LAMA4: variants seen among roughly 807,000 people sequenced by gnomAD.
LAMA4 encodes laminin subunit alpha 4.
LAMA4 carries 127 observed loss-of-function variants against 207.1 expected under a neutral mutation model. That is an observed-to-expected ratio of 0.61 (90% CI 0.53 to 0.71). The LOEUF is 0.71. LAMA4 is among the 30% of genes least tolerant of loss of function. The pLI is 0.00. For synonymous variants in LAMA4, 761 were observed against 816.0 expected (o/e 0.93, Z 1.15); for missense variants, 2,093 against 2,246.5 (o/e 0.93, Z 1.38).
chr6:112,183,950 C>CAAAAAAAA (rs782424211), intron 9 of LAMA4, among the ~76,000 whole-genome samples: 29 of 81,482 alleles, frequency 3.6e-4, no homozygotes, highest in East Asian at 6.7e-4. Context: ...GACTCCATCT[C>CAAAAAAAA]AAAAAAAAAA....
rs1786688553 is a variant in LAMA4, at chr6:112,243,597, GT to G, written c.195+10358del. On this transcript the variant is annotated intron_variant, in intron 2 of 38. Coordinates refer to ENST00000230538, the MANE Select transcript of LAMA4 (RefSeq NM_001105206.3). ...TAGTGATGGAGCCAAGAATCAGAAA[GT>G]TACAGACTCATAGTCTAGCTCTACT... is the stretch of plus-strand genomic sequence containing the variant. 2.6e-5 allele frequency among the ~76,000 whole-genome samples: 4 copies of G among 152,188 alleles called. No homozygotes were observed. In the South Asian group the frequency reaches 8.3e-4, roughly 32 times the overall value.
rs935817374 is a variant in LAMA4 at position 112,137,352 on chromosome 6, T to A, written c.3283-1098A>T. On this transcript the variant is annotated intron_variant, in intron 24 of 38. Transcript: ENST00000230538. ...AGGAAGAAAATATTTCAACTTCTAT[T>A]TATACTAATTTAAAAAAACCTGAAA... is the stretch of plus-strand genomic sequence containing the variant. 2.0e-5 allele frequency among the ~76,000 whole-genome samples: 3 copies of A among 152,152 alleles called. No homozygotes were observed. The East Asian group carries it at 5.8e-4, about 29-fold the overall frequency.
chr6:112,222,801 A>G (rs1167423228), intron 2 of LAMA4, among the ~76,000 whole-genome samples: 1 of 152,226 alleles, frequency 6.6e-6, no homozygotes, highest in Non-Finnish European at 1.5e-5. Context: ...GCTAATAAAT[A>G]GCCCTCTTTA....
intron 9 of LAMA4, among the ~76,000 whole-genome samples, chr6:112,183,983 A>G (rs1782530831): frequency 6.6e-6 from 1 of 151,360 alleles, no homozygotes; most frequent in Non-Finnish European, 1.5e-5. Context: ...AAAAGAATTA[A>G]GATAGTTTTA....
chr6:112,227,423 TGAAA>T lies in LAMA4; in HGVS notation c.196-10958_196-10955del, dbSNP rs1414106394. Among the ~76,000 whole-genome samples, 7 of 150,214 alleles carry T rather than the reference TGAAA, an allele frequency of 4.7e-5. No individual in the cohort carries two copies. In the East Asian group the frequency reaches 1.4e-3, roughly 29 times the overall value. ...GGACATACACGTTCTCATGAAAGAA[TGAAA>T]GAAAGAGGAAAAGGAGCAAATGAGG... On this transcript the variant is annotated intron_variant, in intron 2 of 38. Coordinates refer to ENST00000230538, the MANE Select transcript of LAMA4 (RefSeq NM_001105206.3).
intron 9 of LAMA4, among the ~76,000 whole-genome samples, chr6:112,182,671 G>A (rs571519070): frequency 3.9e-5 from 6 of 152,258 alleles, no homozygotes; most frequent in South Asian, 4.1e-4. Context: ...CTCCTGAGCC[G>A]CCCTTGGAGA....
At chr6:112,238,666 C>A (rs1198544265) in intron 2 of LAMA4, among the ~76,000 whole-genome samples, 1 of 152,096 alleles carries the variant, frequency 6.6e-6, no homozygotes, top group Non-Finnish European at 1.5e-5. Context: ...GAGATCACAC[C>A]ACTGCACTCC....
chr6:112,218,960 G>A (rs1554359652), intron 2 of LAMA4: 1 of 152,272 alleles, frequency 6.6e-6, no homozygotes, highest in African/African-American at 2.4e-5. Context: ...CATGTCCTGG[G>A]TAGCTTGCGT....
At chr6:112,113,436 T>C (rs1318857314) in intron 38 of LAMA4, among the ~76,000 whole-genome samples, 1 of 152,216 alleles carries the variant, frequency 6.6e-6, no homozygotes, top group African/African-American at 2.4e-5. Context: ...ATGCATTCAA[T>C]ATGAGGACAT....
intron 2 of LAMA4, among the ~76,000 whole-genome samples, chr6:112,227,528 G>A (rs1785290583): frequency 1.3e-5 from 2 of 152,112 alleles, no homozygotes; most frequent in South Asian, 2.1e-4. Context: ...GTCTATACCC[G>A]GTGAGATCTC....
chr6:112,131,172 A>C, intron 28 of LAMA4, 71 bp from the exon 29 acceptor site: 3 of 1,416,298 alleles, frequency 2.1e-6, no homozygotes, highest in African/African-American at 1.4e-5. Flanking sequence ...TTCAACATTT[A>C]CTGAATGGTA....
intron 6 of LAMA4, among the ~76,000 whole-genome samples, chr6:112,190,936 TTTCTTTCTTTCCTTTCTTTCTTTC>T (rs1783044839): frequency 8.4e-4 from 58 of 68,874 alleles, no homozygotes; most frequent in South Asian, 5.4e-4. Flanking sequence ...TCTTTCTTTC[TTTCTTTCTTTCCTTTCTTTCTTTC>T]TTTCTTTCTT....
intron 2 of LAMA4, chr6:112,253,332 C>G (rs564840277): frequency 9.7e-5 from 21 of 216,742 alleles, no homozygotes; most frequent in Non-Finnish European, 1.9e-4. Flanking sequence ...AACAGCAGCT[C>G]TTTGAATAAA....
intron 2 of LAMA4, chr6:112,253,684 A>G (rs1787625253): frequency 6.6e-7 from 1 of 1,517,250 alleles, no homozygotes; most frequent in Non-Finnish European, 9.1e-7. Context: ...GTCCCCGGTG[A>G]GAGTCTAGCG....
chr6:112,223,933 A>T (rs9387063), intron 2 of LAMA4, among the ~76,000 whole-genome samples: 17,554 of 152,190 alleles, frequency 0.12, 1,435 homozygotes, highest in East Asian at 0.3. Flanking sequence ...GGGAAATCTC[A>T]TACTGTCTTT....
At chr6:112,228,674 G>T (rs916143797) in intron 2 of LAMA4, among the ~76,000 whole-genome samples, 1 of 152,220 alleles carries the variant, frequency 6.6e-6, no homozygotes, top group East Asian at 1.9e-4. Flanking sequence ...TGTGGAGGAG[G>T]GGAGCTTGCC....
At chr6:112,132,125 CAG>C (rs1779070503) in intron 28 of LAMA4, among the ~76,000 whole-genome samples, 1 of 152,058 alleles carries the variant, frequency 6.6e-6, no homozygotes, top group Non-Finnish European at 1.5e-5. Context: ...ATTTTGGTAA[CAG>C]ATAGCGACCG....
intron 2 of LAMA4, among the ~76,000 whole-genome samples, chr6:112,238,655 C>T (rs140141437): frequency 1.3e-4 from 20 of 151,514 alleles, no homozygotes; most frequent in Admixed American, 3.9e-4. Context: ...TGCAGTGAGC[C>T]GAGATCACAC....
intron 22 of LAMA4, among the ~76,000 whole-genome samples, chr6:112,140,210 T>C (rs187979339): frequency 6.6e-6 from 1 of 152,210 alleles, no homozygotes; most frequent in East Asian, 1.9e-4. Context: ...GGGAAAATAA[T>C]TCTCAGATAA....
Sources: gnomAD v4.1 joint callset for allele counts (sites outside exome capture counted in the v4.1 genomes callset) on GRCh38, gnomAD v4.1.1 for gene constraint, MANE v1.5 for transcripts, NCBI Gene and HGNC (gene_info 2026-07-23, HGNC 2026-07-21) for gene names.